The following IQCM variants were observed in gnomAD, a reference collection of about 807,000 sequenced individuals.
IQCM encodes the protein IQ domain-containing protein M.
IQCM carries 45 observed loss-of-function variants against 57.6 expected under a neutral mutation model. The observed-to-expected ratio is 0.78, with a 90% CI of 0.62 to 1.00. The LOEUF (loss-of-function observed/expected upper bound fraction) is 1.00. Ranked by LOEUF, IQCM falls within the 50% of genes least tolerant of loss-of-function variation. The pLI is 0.00. For synonymous variants in IQCM, 148 were observed against 158.9 expected (o/e 0.93, Z 0.51); for missense variants, 468 against 511.6 (o/e 0.91, Z 0.82).
At chr4:149,755,958 A>G (rs1768920662) in intron 2 of IQCM, among the ~76,000 whole-genome samples, 1 of 152,240 alleles carries the variant, frequency 6.6e-6, no homozygotes, top group African/African-American at 2.4e-5. Context: ...GTCCAAATGT[A>G]AAAGATAGCA....
intron 12 of IQCM, among the ~76,000 whole-genome samples, chr4:149,500,469 C>A (rs1015738417): frequency 6.6e-6 from 1 of 152,070 alleles, no homozygotes; most frequent in Non-Finnish European, 1.5e-5. Flanking sequence ...AATATTCAGA[C>A]CCAGATTACT....
chr4:149,588,933 A>C (rs764842542), intron 8 of IQCM, among the ~76,000 whole-genome samples: 4 of 151,954 alleles, frequency 2.6e-5, no homozygotes, highest in African/African-American at 4.8e-5. Flanking sequence ...GGCATAATAT[A>C]CCAGCTTCAA....
intron 12 of IQCM, among the ~76,000 whole-genome samples, chr4:149,487,690 G>A (rs933683709): frequency 2.0e-5 from 3 of 152,126 alleles, no homozygotes; most frequent in Admixed American, 6.5e-5. Flanking sequence ...GCACTGCATG[G>A]CTTTATTCTC....
At chr4:149,457,445 C>T (rs1056923891) in intron 12 of IQCM, among the ~76,000 whole-genome samples, 2 of 152,008 alleles carry the variant, frequency 1.3e-5, no homozygotes, top group African/African-American at 4.8e-5. Flanking sequence ...TTCTAATATG[C>T]ATTTCCAGAA....
At chr4:149,767,730 G>A (rs1364234619) in intron 2 of IQCM, among the ~76,000 whole-genome samples, 1 of 152,014 alleles carries the variant, frequency 6.6e-6, no homozygotes, top group East Asian at 1.9e-4. Context: ...TAAATGGTTT[G>A]TTGAGCTGTG....
At chr4:149,689,247 A>G (rs913384135) in intron 5 of IQCM, among the ~76,000 whole-genome samples, 1 of 152,110 alleles carries the variant, frequency 6.6e-6, no homozygotes, top group African/African-American at 2.4e-5. Context: ...GAATAAGTCC[A>G]TGTCCTTTGT....
chr4:149,685,061 G>A (rs182222050), intron 6 of IQCM, among the ~76,000 whole-genome samples: 5 of 151,430 alleles, frequency 3.3e-5, no homozygotes, highest in South Asian at 4.2e-4. Context: ...ACAATTCTTC[G>A]GAAAATAGTC....
At chr4:149,670,670 A>T (rs1444171799) in intron 7 of IQCM, among the ~76,000 whole-genome samples, 3 of 152,120 alleles carry the variant, frequency 2.0e-5, no homozygotes, top group African/African-American at 7.2e-5. Context: ...TAGTTTATTG[A>T]GAGTTTTTAG....
At chr4:149,532,692 G>A (rs1746874485) in intron 12 of IQCM, among the ~76,000 whole-genome samples, 1 of 152,022 alleles carries the variant, frequency 6.6e-6, no homozygotes, top group African/African-American at 2.4e-5. Flanking sequence ...TGGGCATGTG[G>A]CCTTCAATCT....
chr4:149,561,327 A>T (rs1319384186), intron 10 of IQCM, among the ~76,000 whole-genome samples: 1 of 152,112 alleles, frequency 6.6e-6, no homozygotes, highest in East Asian at 1.9e-4. Context: ...GTTATGAATG[A>T]TTCTACAATT....
intron 2 of IQCM, among the ~76,000 whole-genome samples, chr4:149,783,311 T>C (rs1771782731): frequency 1.3e-5 from 2 of 152,240 alleles, no homozygotes; most frequent in Non-Finnish European, 2.9e-5. Context: ...GAATCTTCTA[T>C]GTTGCTTGTA....
intron 10 of IQCM, among the ~76,000 whole-genome samples, chr4:149,560,908 C>T (rs1013255617): frequency 1.3e-5 from 2 of 152,140 alleles, no homozygotes; most frequent in African/African-American, 4.8e-5. Flanking sequence ...ATTTGCTGTG[C>T]ACCCTCTAGA....
chr4:149,762,054 T>G (rs1769572991), intron 2 of IQCM, among the ~76,000 whole-genome samples: 1 of 152,018 alleles, frequency 6.6e-6, no homozygotes, highest in South Asian at 2.1e-4. Flanking sequence ...ACTGAAGAAT[T>G]TATCTCCATT....
At chr4:149,747,744 G>A (rs186818762) in intron 2 of IQCM, among the ~76,000 whole-genome samples, 363 of 152,302 alleles carry the variant, frequency 2.4e-3, no homozygotes, top group African/African-American at 7.1e-3. Context: ...AGCTAGGAAC[G>A]CAGGGACCAC....
chr4:149,518,111 G>A (rs1453676687), intron 12 of IQCM, among the ~76,000 whole-genome samples: 3 of 152,118 alleles, frequency 2.0e-5, no homozygotes, highest in Non-Finnish European at 4.4e-5. Flanking sequence ...CAAGGCAAGC[G>A]ACATGGCCAA....
At chr4:149,505,014 C>T (rs1743643689) in intron 12 of IQCM, among the ~76,000 whole-genome samples, 1 of 152,040 alleles carries the variant, frequency 6.6e-6, no homozygotes, top group Non-Finnish European at 1.5e-5. Context: ...CCATAGATTC[C>T]CCAACCTCTA....
intron 7 of IQCM, among the ~76,000 whole-genome samples, chr4:149,678,360 A>C (rs1013616209): frequency 6.6e-6 from 1 of 151,930 alleles, no homozygotes; most frequent in Non-Finnish European, 1.5e-5. Context: ...ACATGCCAGG[A>C]GAAAATAGAA....
At chr4:149,450,239 C>T (rs1736965292) in intron 12 of IQCM, among the ~76,000 whole-genome samples, 1 of 151,760 alleles carries the variant, frequency 6.6e-6, no homozygotes, top group Non-Finnish European at 1.5e-5. Context: ...AATCTAAGAC[C>T]TCAAACTGTG....
At chr4:149,695,773 C>A (rs1763288936) in intron 5 of IQCM, among the ~76,000 whole-genome samples, 1 of 152,068 alleles carries the variant, frequency 6.6e-6, no homozygotes, top group Admixed American at 6.6e-5. Flanking sequence ...CCTGAAGAGG[C>A]ATCTTCTAAA....
Sources: gnomAD v4.1 joint callset for allele counts (sites outside exome capture counted in the v4.1 genomes callset) on GRCh38, gnomAD v4.1.1 for gene constraint, MANE v1.5 for transcripts, NCBI Gene and HGNC (gene_info 2026-07-23, HGNC 2026-07-21) for gene names.